Variants in CDK15 observed in about 807,000 individuals in gnomAD.
CDK15 encodes cyclin dependent kinase 15, also known as cyclin-dependent kinase 15.
In CDK15, 62 loss-of-function variants were observed where a neutral mutation model predicts 60.3. The ratio of observed to expected loss-of-function variants is 1.03; its 90% CI spans 0.84 to 1.27. The LOEUF is 1.27. Ranked by LOEUF, CDK15 falls within the 50% of genes most tolerant of loss-of-function variation. The probability of loss-of-function intolerance (pLI) is 0.00; values close to 1 mark genes in which losing one functional copy is unlikely to be tolerated. For synonymous variants in CDK15, 194 were observed against 195.7 expected, an observed-to-expected ratio of 0.99 and a Z score of 0.07; for missense variants, 541 against 527.8, an observed-to-expected ratio of 1.03 and a Z score of -0.25.
chr2:201,824,402 G>A (rs1696372285), intron 6 of CDK15: 1 of 94,218 alleles, frequency 1.1e-5, no homozygotes, highest in African/African-American at 2.9e-5. Context: ...TATTTATTGA[G>A]TACTTATTGC....
intron 6 of CDK15, among the ~76,000 whole-genome samples, chr2:201,832,964 A>T (rs1036049523): frequency 6.6e-6 from 1 of 152,250 alleles, no homozygotes; most frequent in East Asian, 1.9e-4. Context: ...TGAATTCTCA[A>T]TTGCCAATGG....
chr2:201,888,390 T>C, intron 12 of CDK15: 1 of 1,512,420 alleles, frequency 6.6e-7, no homozygotes, highest in Non-Finnish European at 8.8e-7. Flanking sequence ...TCCTGCCGAC[T>C]GTCTAGATGA....
chr2:201,833,803 C>A (rs765416594), intron 6 of CDK15, 45 bp from the exon 7 acceptor site: 2 of 1,584,922 alleles, frequency 1.3e-6, no homozygotes, highest in South Asian at 1.1e-5. Flanking sequence ...GAAATCAGCA[C>A]GTGGTGGCTC....
intron 8 of CDK15, among the ~76,000 whole-genome samples, chr2:201,836,191 T>TTATA (rs375587917): frequency 0.48 from 50,915 of 106,700 alleles, 14,002 homozygotes; most frequent in Non-Finnish European, 0.61. Flanking sequence ...ATATATTTTT[T>TTATA]TATATATATA....
chr2:201,868,856 A>G (rs199921529), intron 10 of CDK15, among the ~76,000 whole-genome samples: 4 of 152,224 alleles, frequency 2.6e-5, no homozygotes, highest in African/African-American at 4.8e-5. Flanking sequence ...TTAGAATGGC[A>G]ATCATTAAAA....
intron 9 of CDK15, among the ~76,000 whole-genome samples, chr2:201,854,311 G>T (rs2105786869): frequency 6.6e-6 from 1 of 152,328 alleles, no homozygotes; most frequent in Non-Finnish European, 1.5e-5. Context: ...CAGATGAGAT[G>T]AATGTAATAG....
chr2:201,838,243 CA>C, intron 8 of CDK15, among the ~76,000 whole-genome samples: 1 of 149,166 alleles, frequency 6.7e-6, no homozygotes, highest in African/African-American at 2.5e-5. Flanking sequence ...TTTTTGTTTT[CA>C]CAGCTGGGGG....
intron 12 of CDK15, among the ~76,000 whole-genome samples, chr2:201,890,096 A>G (rs943693708): frequency 6.6e-6 from 1 of 152,094 alleles, no homozygotes; most frequent in African/African-American, 2.4e-5. Context: ...GTATCTAACA[A>G]AATTGGAAAC....
chr2:201,842,225 TA>T (rs1361573943), intron 8 of CDK15, among the ~76,000 whole-genome samples: 2 of 152,232 alleles, frequency 1.3e-5, no homozygotes, highest in African/African-American at 2.4e-5. Flanking sequence ...GTACCTCATA[TA>T]AAAGTGGAAT....
intron 8 of CDK15, among the ~76,000 whole-genome samples, chr2:201,843,908 A>C (rs372159034): frequency 6.6e-6 from 1 of 152,016 alleles, no homozygotes; most frequent in East Asian, 1.9e-4. Flanking sequence ...GACACTAAGG[A>C]ATTGTGTAAC....
chr2:201,875,359 A>C (rs1215216157), intron 11 of CDK15, among the ~76,000 whole-genome samples: 1 of 149,438 alleles, frequency 6.7e-6, no homozygotes, highest in East Asian at 1.9e-4. Context: ...CAGCTCTTCT[A>C]GCTGATAGTA....
intron 9 of CDK15, among the ~76,000 whole-genome samples, chr2:201,848,953 T>G (rs115205045): frequency 0.023 from 3,576 of 152,244 alleles, 66 homozygotes; most frequent in Non-Finnish European, 0.037. Flanking sequence ...CCAAAAGACT[T>G]TTTCTAAAAA....
chr2:201,840,605 G>A lies in CDK15; in HGVS notation c.851+4842G>A, dbSNP rs531707834. Among the ~76,000 whole-genome samples the A allele has an allele frequency of 6.6e-5, 10 of 152,216 alleles. No homozygotes were observed. In the South Asian group the frequency reaches 8.3e-4, roughly 13 times the overall value. ...TAGGCCTGCTGGTGGCAAATTCTTCGTTTTTGTTTTCAGAAGATAAACCCT... is the reference window on the plus strand; with the variant it reads ...TAGGCCTGCTGGTGGCAAATTCTTCATTTTTGTTTTCAGAAGATAAACCCT... On this transcript the variant is annotated intron_variant, in intron 8 of 13. Coordinates refer to ENST00000652192, the MANE Select transcript of CDK15 (RefSeq NM_001366386.2).
At chr2:201,807,270 G>A (rs941495352) in intron 1 of CDK15, among the ~76,000 whole-genome samples, 1 of 152,086 alleles carries the variant, frequency 6.6e-6, no homozygotes, top group Non-Finnish European at 1.5e-5. Context: ...TAACCTGAAT[G>A]TTAAAGACAC....
intron 12 of CDK15, among the ~76,000 whole-genome samples, chr2:201,885,303 T>C (rs930234931): frequency 1.3e-5 from 2 of 152,168 alleles, no homozygotes; most frequent in African/African-American, 4.8e-5. Context: ...CTATTCAAAG[T>C]TGAACCAGAA....
At chr2:201,810,899 C>G (rs1237471737) in intron 3 of CDK15, among the ~76,000 whole-genome samples, 1 of 144,204 alleles carries the variant, frequency 6.9e-6, no homozygotes, top group African/African-American at 2.6e-5. Context: ...GGCTGGGGTG[C>G]AGTGGCGCAA....
chr2:201,828,742 C>A (rs1164048652), intron 6 of CDK15, among the ~76,000 whole-genome samples: 1 of 152,156 alleles, frequency 6.6e-6, no homozygotes. Context: ...GGCAAGCCAC[C>A]CTCCAGAAGC....
intron 12 of CDK15, 77 bp from the exon 13 acceptor site, chr2:201,890,708 A>G (rs981053051): frequency 7.0e-6 from 8 of 1,136,202 alleles, no homozygotes; most frequent in Middle Eastern, 2.9e-4. Context: ...GGTGGCAAAT[A>G]TTACAACAGA....
At chr2:201,825,129 A>T (rs1010949938) in intron 6 of CDK15, among the ~76,000 whole-genome samples, 9 of 152,102 alleles carry the variant, frequency 5.9e-5, no homozygotes, top group African/African-American at 2.2e-4. Context: ...CCTAGCCAAC[A>T]TGGTGAAACC....
Sources: allele counts gnomAD v4.1 joint callset (sites outside exome capture counted in the v4.1 genomes callset), GRCh38; gene constraint gnomAD v4.1.1; transcripts MANE v1.5; gene names NCBI Gene and HGNC (gene_info 2026-07-23, HGNC 2026-07-21).